Variants in SCD5 observed in about 807,000 individuals in gnomAD.
The protein encoded by SCD5 is stearoyl-CoA desaturase 5.
In SCD5, 20 loss-of-function variants were observed where a neutral mutation model predicts 30.4. That is an observed-to-expected ratio of 0.66 (90% CI 0.46 to 0.96). The LOEUF (loss-of-function observed/expected upper bound fraction) is 0.96, where lower values mean the gene tolerates loss of function less well. Among genes scored for constraint, SCD5 ranks in the 40% least tolerant of loss-of-function variants. The pLI, the probability that SCD5 is intolerant of heterozygous loss-of-function variation, is 0.00. For missense variants in SCD5, 381 were observed against 443.3 expected (o/e 0.86, Z 1.26); for synonymous variants, 173 against 176.4 (o/e 0.98, Z 0.16).
chr4:82,789,571 G>GTTGT (rs1722058056), intron 1 of SCD5, among the ~76,000 whole-genome samples: 1 of 152,202 alleles, frequency 6.6e-6, no homozygotes, highest in Non-Finnish European at 1.5e-5. Flanking sequence ...GGCCCTTAAG[G>GTTGT]CTCAGGCAAC....
Position 82,675,377 on chromosome 4 carries a change from T to C in SCD5, c.569+5330A>G, listed in dbSNP as rs1002669419. 2.6e-5 allele frequency among the ~76,000 whole-genome samples: 4 copies of C among 152,252 alleles called. No individual in the cohort carries two copies. The East Asian group carries it at 7.7e-4, about 29-fold the overall frequency. On this transcript the variant is annotated intron_variant, in intron 3 of 4. Coordinates refer to ENST00000319540, the MANE Select transcript of SCD5 (RefSeq NM_001037582.3). ...ATTCTTGGGAGGTGGGAGAGAAGAC[T>C]AGAGATAACAGACTAGGGGATGAAT...
At chr4:82,758,131 C>G (rs926557250) in intron 1 of SCD5, among the ~76,000 whole-genome samples, 1 of 152,196 alleles carries the variant, frequency 6.6e-6, no homozygotes, top group Non-Finnish European at 1.5e-5. Flanking sequence ...GAATCCAGAG[C>G]AAGCTGTTCA....
At chr4:82,664,993 CTCTCTCTA>C (rs1284221349) in intron 3 of SCD5, among the ~76,000 whole-genome samples, 62 of 86,936 alleles carry the variant, frequency 7.1e-4, no homozygotes, top group African/African-American at 2.9e-3. Context: ...CTCTCTCTCT[CTCTCTCTA>C]TATATATATA....
intron 2 of SCD5, among the ~76,000 whole-genome samples, chr4:82,687,086 G>A (rs998415841): frequency 6.6e-6 from 1 of 151,406 alleles, no homozygotes; most frequent in South Asian, 2.1e-4. Context: ...CAGGAGAATC[G>A]CTTGAACCTG....
At chr4:82,791,485 G>A (rs147205499) in intron 1 of SCD5, among the ~76,000 whole-genome samples, 157 of 152,170 alleles carry the variant, frequency 1.0e-3, no homozygotes, top group African/African-American at 3.6e-3. Context: ...TTTATCCAGC[G>A]GGCTGGCTAG....
intron 1 of SCD5, among the ~76,000 whole-genome samples, chr4:82,789,344 G>C (rs1013290421): frequency 6.6e-6 from 1 of 152,150 alleles, no homozygotes; most frequent in African/African-American, 2.4e-5. Flanking sequence ...AAGGGGAGGA[G>C]GCCATCAAAA....
intron 3 of SCD5, chr4:82,660,957 A>T (rs1483656383): frequency 6.2e-7 from 1 of 1,614,230 alleles, no homozygotes; most frequent in Non-Finnish European, 8.5e-7. Flanking sequence ...TATGTAACAA[A>T]GCTAAAATGT....
chr4:82,751,777 C>T (rs1446102970), intron 1 of SCD5, among the ~76,000 whole-genome samples: 2 of 152,164 alleles, frequency 1.3e-5, no homozygotes, highest in Non-Finnish European at 2.9e-5. Context: ...CAGGCACGCG[C>T]CACTACGCCA....
intron 2 of SCD5, among the ~76,000 whole-genome samples, chr4:82,699,434 G>C (rs1719766468): frequency 6.6e-6 from 1 of 151,844 alleles, no homozygotes; most frequent in Non-Finnish European, 1.5e-5. Flanking sequence ...ACCCAGGCTG[G>C]AGTGCAGTGG....
At chr4:82,718,308 C>T (rs10025210) in intron 1 of SCD5, among the ~76,000 whole-genome samples, 21,531 of 151,658 alleles carry the variant, frequency 0.14, 1,770 homozygotes, top group South Asian at 0.19. Flanking sequence ...TATTTCTGAG[C>T]CAAAAGAGCT....
chr4:82,731,922 T>G (rs1404347446), intron 1 of SCD5, among the ~76,000 whole-genome samples: 1 of 152,212 alleles, frequency 6.6e-6, no homozygotes, highest in Non-Finnish European at 1.5e-5. Flanking sequence ...AGCTGTCATC[T>G]GTCTGATTAA....
chr4:82,649,183 GTGT>G (rs1727693723), intron 3 of SCD5, among the ~76,000 whole-genome samples: 15 of 10,938 alleles, frequency 1.4e-3, no homozygotes, highest in Non-Finnish European at 1.8e-3. Flanking sequence ...TGAGAGGGGT[GTGT>G]GTGTGTGTGT....
chr4:82,711,705 TAAAA>T (rs58582191), intron 1 of SCD5, among the ~76,000 whole-genome samples: 33 of 146,268 alleles, frequency 2.3e-4, no homozygotes, highest in South Asian at 8.7e-4. Flanking sequence ...GACCTTGTCT[TAAAA>T]AAAAAAAAAA....
At chr4:82,791,148 G>A (rs1722092041) in intron 1 of SCD5, among the ~76,000 whole-genome samples, 1 of 152,068 alleles carries the variant, frequency 6.6e-6, no homozygotes. Context: ...TGAGGCAGGA[G>A]AATCGCTTGA....
chr4:82,678,858 T>C (rs970049886), intron 3 of SCD5, among the ~76,000 whole-genome samples: 1 of 152,202 alleles, frequency 6.6e-6, no homozygotes, highest in African/African-American at 2.4e-5. Context: ...TTCAACATTT[T>C]ACACTCATAG....
chr4:82,735,616 A>C (rs1720734079), intron 1 of SCD5, among the ~76,000 whole-genome samples: 1 of 152,228 alleles, frequency 6.6e-6, no homozygotes, highest in Non-Finnish European at 1.5e-5. Context: ...GGGGCTCCTG[A>C]CAATTTTCTC....
At chr4:82,723,375 C>T (rs1038050856) in intron 1 of SCD5, among the ~76,000 whole-genome samples, 2 of 152,266 alleles carry the variant, frequency 1.3e-5, no homozygotes, top group Non-Finnish European at 2.9e-5. Flanking sequence ...TTTTAAAAGA[C>T]TTGTTTTTTC....
Position 82,712,287 on chromosome 4 carries a change from TATATATA to T in SCD5, c.233-6881_233-6875del, listed in dbSNP as rs1720121989. ...ATATATATATATATATATATATATA[TATATATA>T]TATTTTATTTTTATTTTATTTTTTT... On this transcript the variant is annotated intron_variant, in intron 1 of 4. Transcript: ENST00000319540. 6.4e-5 allele frequency among the ~76,000 whole-genome samples: 3 copies of T among 46,544 alleles called. 1 individual carries two copies. Among genetic ancestry groups the T allele is most frequent in the African/African-American group, 3.6e-4 (3 of 8,428 alleles). The allele number at this position is 46,544 out of a possible 152,430, so 30.5% of individuals were successfully genotyped here. A position where few individuals can be genotyped will look rare whatever the true frequency, so the allele number is the denominator to read the frequency against.
Position 82,680,816 on chromosome 4 carries a change from A to C in SCD5, c.460T>G (p.Ser154Ala). The change falls in exon 3 of 5, where the codon TCC (serine) becomes GCC (alanine). Residue 154 changes from serine (S) to alanine (A), a missense_variant. Ser to Ala is a moderately conservative substitution (Grantham distance 99). Transcript: ENST00000319540. ...PHNARRGFFF[S>A]HIGWLFVRKH... ...CGAACAAACAGCCACCCAATATGGG[A>C]GAAGAAGAAGCCCCGGCGGGCATTG... 6.2e-7 allele frequency: 1 copy of C among 1,613,644 alleles called. No individual in the cohort carries two copies. Among genetic ancestry groups the C allele is most frequent in the South Asian group, 1.1e-5 (1 of 91,032 alleles).
Sources: allele counts gnomAD v4.1 joint callset (sites outside exome capture counted in the v4.1 genomes callset), GRCh38; gene constraint gnomAD v4.1.1; transcripts MANE v1.5; gene names NCBI Gene and HGNC (gene_info 2026-07-23, HGNC 2026-07-21).